DAB1: variants seen among roughly 807,000 people sequenced by gnomAD.
The protein encoded by DAB1 is DAB adaptor protein 1.
Under a neutral mutation model 64.6 loss-of-function variants are expected in DAB1, and 15 were observed. The observed-to-expected ratio is 0.23, with a 90% CI of 0.16 to 0.36. The LOEUF (loss-of-function observed/expected upper bound fraction) is 0.36. Ranked by LOEUF, DAB1 falls within the 10% of genes least tolerant of loss-of-function variation. The pLI is 1.00. For missense variants in DAB1, 596 were observed against 706.7 expected, an observed-to-expected ratio of 0.84 and a Z score of 1.78; for synonymous variants, 235 against 251.9, an observed-to-expected ratio of 0.93 and a Z score of 0.64.
At chr1:57,099,548 T>G (rs1228093910) in intron 4 of DAB1, among the ~76,000 whole-genome samples, 1 of 152,214 alleles carries the variant, frequency 6.6e-6, no homozygotes, top group African/African-American at 2.4e-5. Flanking sequence ...AAGACATTAT[T>G]TATTTAATCC....
chr1:57,669,563 T>G (rs1646486970), intron 6 of DAB1, among the ~76,000 whole-genome samples: 1 of 152,168 alleles, frequency 6.6e-6, no homozygotes, highest in East Asian at 1.9e-4. Flanking sequence ...AATTAATTTA[T>G]GTGAACCTCA....
intron 1 of DAB1, chr1:57,880,635 C>T (rs1043561640): frequency 2.6e-5 from 4 of 152,226 alleles, no homozygotes; most frequent in Admixed American, 6.5e-5. Flanking sequence ...CCTCAGTTAT[C>T]GAATCGAAAA....
intron 5 of DAB1, among the ~76,000 whole-genome samples, chr1:57,961,863 T>C (rs556460873): frequency 1.3e-5 from 2 of 151,694 alleles, no homozygotes; most frequent in Admixed American, 6.6e-5. Flanking sequence ...TCCCAGCTAC[T>C]CGGGAGGCTG....
intron 4 of DAB1, among the ~76,000 whole-genome samples, chr1:58,253,834 A>G (rs647762): frequency 0.68 from 103,419 of 152,114 alleles, 36,356 homozygotes; most frequent in African/African-American, 0.85. Context: ...AAGCTCTGCA[A>G]ATGTCTTTCT....
chr1:57,339,808 G>A (rs1467842356), intron 1 of DAB1, among the ~76,000 whole-genome samples: 9 of 152,186 alleles, frequency 5.9e-5, no homozygotes, highest in Non-Finnish European at 1.3e-4. Flanking sequence ...TCACAATATA[G>A]TTATGACAAA....
Position 57,480,151 on chromosome 1 carries a change from C to CAAAA in DAB1, n.625+169437_625+169440dup, listed in dbSNP as rs745322461. Among the ~76,000 whole-genome samples, 8 of 100,576 alleles carry CAAAA rather than the reference C, an allele frequency of 8.0e-5. No individual in the cohort carries two copies. In the South Asian group the frequency reaches 2.1e-3, roughly 26 times the overall value. The allele number at this position is 100,576 out of a possible 152,430, so 66.0% of individuals were successfully genotyped here. ...TGGGCGACAGAGCGAAACTCCGTCT[C>CAAAA]AAAAAAAAAAAAAAAAGACAAAGCC... On this transcript the variant is annotated intron_variant and non_coding_transcript_variant, in intron 7 of 20. Transcript: ENST00000485760.
chr1:57,661,121 A>G (rs774362762), intron 6 of DAB1, among the ~76,000 whole-genome samples: 20 of 151,732 alleles, frequency 1.3e-4, no homozygotes, highest in Non-Finnish European at 2.8e-4. Flanking sequence ...GGCCTTGGAT[A>G]GTCTGGGGGA....
intron 4 of DAB1, among the ~76,000 whole-genome samples, chr1:58,190,955 C>A (rs1430584559): frequency 6.6e-6 from 1 of 152,192 alleles, no homozygotes; most frequent in Non-Finnish European, 1.5e-5. Flanking sequence ...TGCTGTGACA[C>A]CCAGGCCCCA....
chr1:57,994,267 C>T (rs1429520803), intron 5 of DAB1, among the ~76,000 whole-genome samples: 10 of 152,146 alleles, frequency 6.6e-5, no homozygotes. Context: ...ATCTGGATGA[C>T]ATGTATGAGG....
At position 58,144,139 on chromosome 1, in the gene DAB1, G is replaced by A. The variant is rs144013610; in HGVS notation, n.387+6372C>T. ...CCAAGTTCAATGAGAAAAGCAAAGG[G>A]TAAAATGAAATTACACAGCTTTTTG... On this transcript the variant is annotated intron_variant and non_coding_transcript_variant, in intron 5 of 20. Coordinates refer to the DAB1 transcript ENST00000485760. 2.6e-5 allele frequency among the ~76,000 whole-genome samples: 4 copies of A among 152,294 alleles called. No homozygotes were observed. In the East Asian group the frequency reaches 7.7e-4, roughly 29 times the overall value.
At chr1:58,232,496 C>CACACAG (rs369057623) in intron 4 of DAB1, among the ~76,000 whole-genome samples, 1,656 of 147,802 alleles carry the variant, frequency 0.011, 26 homozygotes, top group African/African-American at 0.042. Context: ...CACACACACA[C>CACACAG]ACACACACAC....
At position 57,307,049 on chromosome 1, in the gene DAB1, T is replaced by A. The variant is rs150730117; in HGVS notation, c.-136-15883A>T. ...TTTAACAGGAAGACAACAAACCTTG[T>A]CAGAACATAGCAACAGTGAAAGGAA... On this transcript the variant is annotated intron_variant, in intron 1 of 14. Coordinates refer to ENST00000371236, the MANE Select transcript of DAB1 (RefSeq NM_001365792.1). The A allele has an allele frequency of 4.6e-5, 7 of 152,316 alleles. No individual in the cohort carries two copies. In the East Asian group the frequency reaches 1.2e-3, roughly 25 times the overall value. The allele number at this position is 152,316 out of a possible 1,614,324, so 9.4% of individuals were successfully genotyped here.
At chr1:57,177,769 T>C (rs759853384) in intron 2 of DAB1, among the ~76,000 whole-genome samples, 2 of 152,164 alleles carry the variant, frequency 1.3e-5, no homozygotes, top group Non-Finnish European at 2.9e-5. Context: ...GTACAGGCCA[T>C]TTCTAGAATT....
rs1645580268 is a variant in DAB1 at position 56,995,407 on chromosome 1, T to G, written c.*2737A>C. 1.3e-5 allele frequency: 2 copies of G among 152,146 alleles called. No homozygotes were observed. The highest frequency in any genetic ancestry group is 6.5e-5 in the Admixed American group (1 of 15,272). The allele number at this position is 152,146 out of a possible 1,614,324, so 9.4% of individuals were successfully genotyped here. A position where few individuals can be genotyped will look rare whatever the true frequency, so the allele number is the denominator to read the frequency against. On this transcript the variant is annotated 3_prime_UTR_variant, in exon 15 of 15. Coordinates refer to ENST00000371236, the MANE Select transcript of DAB1 (RefSeq NM_001365792.1). ...TCACCAAACAGTGCTTGGAAAAAAA[T>G]CAGAATTCTGCCAATGAGAATATGG...
chr1:58,032,015 T>A (rs1484590926), intron 5 of DAB1, among the ~76,000 whole-genome samples: 1 of 149,326 alleles, frequency 6.7e-6, no homozygotes, highest in African/African-American at 2.4e-5. Flanking sequence ...TGTGTGTGTG[T>A]GTGTGTGTGT....
intron 4 of DAB1, among the ~76,000 whole-genome samples, chr1:58,208,093 A>T (rs929326689): frequency 4.6e-5 from 7 of 152,058 alleles, no homozygotes; most frequent in African/African-American, 1.7e-4. Flanking sequence ...ACTCACTATC[A>T]CATGAACAGC....
chr1:57,185,186 C>T (rs1663406680), intron 2 of DAB1, among the ~76,000 whole-genome samples: 1 of 152,110 alleles, frequency 6.6e-6, no homozygotes, highest in South Asian at 2.1e-4. Flanking sequence ...AAGTCTTCTG[C>T]AATTCTGCAC....
chr1:58,415,110 A>G (rs1274989283), intron 3 of DAB1, among the ~76,000 whole-genome samples: 1 of 152,118 alleles, frequency 6.6e-6, no homozygotes, highest in Non-Finnish European at 1.5e-5. Context: ...GGCCTTCATA[A>G]TAGGATTAGT....
chr1:57,553,371 A>G (rs1418068532), intron 7 of DAB1, among the ~76,000 whole-genome samples: 1 of 17,156 alleles, frequency 5.8e-5, no homozygotes, highest in Non-Finnish European at 2.4e-4. Flanking sequence ...AAGAGAAGGA[A>G]GGAAGGAAGA....
Sources: allele counts gnomAD v4.1 joint callset (sites outside exome capture counted in the v4.1 genomes callset), GRCh38; gene constraint gnomAD v4.1.1; transcripts MANE v1.5; gene names NCBI Gene and HGNC (gene_info 2026-07-23, HGNC 2026-07-21).